Variants in ADAMTS17 observed in about 807,000 individuals in gnomAD.
ADAMTS17 encodes the protein ADAM metallopeptidase with thrombospondin type 1 motif 17.
A neutral mutation model predicts 141.5 loss-of-function variants in ADAMTS17; 113 were observed. That is an observed-to-expected ratio of 0.80 (90% confidence interval 0.69 to 0.93). The LOEUF (loss-of-function observed/expected upper bound fraction) is 0.93. Among genes scored for constraint, ADAMTS17 ranks in the 40% least tolerant of loss-of-function variants. The pLI is 0.00. For missense variants in ADAMTS17, 1,659 were observed against 1,517.9 expected (o/e 1.09, Z -1.54); for synonymous variants, 768 against 630.6 (o/e 1.22, Z -3.27).
chr15:100,279,781 C>T (rs542184986), intron 4 of ADAMTS17, among the ~76,000 whole-genome samples: 114 of 152,338 alleles, frequency 7.5e-4, no homozygotes, highest in African/African-American at 2.7e-3. Context: ...TCTCTCTCCT[C>T]TCCTTTAGCC....
chr15:100,173,551 G>C (rs985374805), intron 8 of ADAMTS17, among the ~76,000 whole-genome samples: 1 of 152,150 alleles, frequency 6.6e-6, no homozygotes, highest in Non-Finnish European at 1.5e-5. Context: ...CTCCAAAAGG[G>C]AAGCAATACC....
chr15:100,000,073 T>C (rs933992065), intron 18 of ADAMTS17, among the ~76,000 whole-genome samples: 1 of 152,174 alleles, frequency 6.6e-6, no homozygotes, highest in Non-Finnish European at 1.5e-5. Context: ...CATAAACTGC[T>C]TACAACAGTG....
chr15:100,003,062 A>C (rs1277091696), intron 18 of ADAMTS17, among the ~76,000 whole-genome samples: 1 of 151,624 alleles, frequency 6.6e-6, no homozygotes, highest in African/African-American at 2.4e-5. Context: ...GGACTGATAA[A>C]CTCTCATGTC....
chr15:100,127,420 C>T (rs747265908), intron 12 of ADAMTS17, among the ~76,000 whole-genome samples: 8 of 152,136 alleles, frequency 5.3e-5, no homozygotes, highest in African/African-American at 1.2e-4. Context: ...CCGGGAGCCA[C>T]GAAACGGATT....
intron 21 of ADAMTS17, among the ~76,000 whole-genome samples, chr15:99,974,785 T>G (rs2060287321): frequency 6.6e-6 from 1 of 152,174 alleles, no homozygotes; most frequent in Non-Finnish European, 1.5e-5. Flanking sequence ...CATGACAGAG[T>G]GTGGTGGTCT....
Position 99,997,401 on chromosome 15 carries a change from G to A in ADAMTS17, c.2780C>T (p.Ala927Val), listed in dbSNP as rs756721876. 8 of 1,613,722 alleles carry A rather than the reference G, an allele frequency of 5.0e-6. No homozygotes were observed. The highest frequency in any genetic ancestry group is 1.7e-5 in the Admixed American group (1 of 60,028). Reference protein sequence around the residue: ...EGQDCLSIWEASEWSQCSASC... With the variant: ...EGQDCLSIWEVSEWSQCSASC... ...GGCACCCACCTGTGACCACTCAGAC[G>A]CCTCCCAGATGGACAGGCAGTCCTG... Residue 927 changes from alanine to valine, a missense_variant, in exon 19 of 22, where the codon GCG becomes GTG. Transcript: ENST00000268070. This position sits in a 1 kb window ranked among gnomAD's most constrained non-coding sequence, Gnocchi z 4.7.
At chr15:100,078,375 G>A (rs1270757764) in intron 15 of ADAMTS17, among the ~76,000 whole-genome samples, 1 of 152,132 alleles carries the variant, frequency 6.6e-6, no homozygotes, top group Non-Finnish European at 1.5e-5. Flanking sequence ...AGACAGCAAG[G>A]TAATGGCATA....
chr15:100,026,530 G>A (rs980919658), intron 18 of ADAMTS17, among the ~76,000 whole-genome samples: 6 of 152,150 alleles, frequency 3.9e-5, no homozygotes, highest in African/African-American at 1.4e-4. Flanking sequence ...ACTGTTGCTT[G>A]TGTAAAAGCA....
chr15:100,199,550 C>A (rs2041243476), intron 7 of ADAMTS17, 127 bp from the exon 8 acceptor site: 2 of 801,194 alleles, frequency 2.5e-6, no homozygotes, highest in East Asian at 2.4e-5. Context: ...GACTATGAGC[C>A]TCAGCCCACC....
intron 8 of ADAMTS17, among the ~76,000 whole-genome samples, chr15:100,183,933 G>C (rs1157322412): frequency 2.0e-5 from 3 of 152,174 alleles, no homozygotes; most frequent in Non-Finnish European, 4.4e-5. Flanking sequence ...GGGGTGAAAG[G>C]CACTTCCCTG....
chr15:100,097,082 G>A (rs1046409547), intron 14 of ADAMTS17, among the ~76,000 whole-genome samples: 1 of 152,248 alleles, frequency 6.6e-6, no homozygotes, highest in Non-Finnish European at 1.5e-5. Flanking sequence ...TCTGAGAGCA[G>A]AGGAGAGGCT....
chr15:100,302,671 A>G (rs925045030), intron 3 of ADAMTS17, among the ~76,000 whole-genome samples: 2 of 152,068 alleles, frequency 1.3e-5, no homozygotes, highest in Non-Finnish European at 1.5e-5. Flanking sequence ...GCAGGTGCTT[A>G]TTGTCTATTT....
At chr15:100,097,158 C>T (rs1481342913) in intron 14 of ADAMTS17, among the ~76,000 whole-genome samples, 4 of 152,208 alleles carry the variant, frequency 2.6e-5, no homozygotes, top group Non-Finnish European at 5.9e-5. Context: ...AGGTTTTGGA[C>T]TCTTTTTTTC....
chr15:100,108,173 C>CT (rs34882001), intron 14 of ADAMTS17, among the ~76,000 whole-genome samples: 17 of 147,138 alleles, frequency 1.2e-4, no homozygotes, highest in Non-Finnish European at 2.4e-4. Context: ...TCTCGCATTC[C>CT]TTTTTTTTTT....
intron 15 of ADAMTS17, among the ~76,000 whole-genome samples, chr15:100,061,972 T>G (rs1222829003): frequency 6.6e-6 from 1 of 152,228 alleles, no homozygotes; most frequent in Non-Finnish European, 1.5e-5. Context: ...GCTGGTGAGG[T>G]TGACCCAATG....
chr15:100,194,888 T>A (rs1183181662), intron 8 of ADAMTS17, among the ~76,000 whole-genome samples: 1 of 152,188 alleles, frequency 6.6e-6, no homozygotes, highest in Admixed American at 6.5e-5. Flanking sequence ...TGTAGCCATC[T>A]TCCCATGTGC....
intron 10 of ADAMTS17, among the ~76,000 whole-genome samples, chr15:100,146,834 G>A (rs1596555152): frequency 1.2e-5 from 1 of 80,350 alleles, no homozygotes; most frequent in Non-Finnish European, 3.0e-5. Flanking sequence ...CTGCAGAGGT[G>A]AAATAGACCC....
At chr15:100,013,454 T>C (rs2061226422) in intron 18 of ADAMTS17, among the ~76,000 whole-genome samples, 1 of 152,188 alleles carries the variant, frequency 6.6e-6, no homozygotes, top group African/African-American at 2.4e-5. Context: ...GGCATCCTTG[T>C]CTTGTTCCAG....
intron 18 of ADAMTS17, among the ~76,000 whole-genome samples, chr15:100,033,798 A>T (rs1172607937): frequency 6.6e-6 from 1 of 151,958 alleles, no homozygotes; most frequent in Non-Finnish European, 1.5e-5. Context: ...GCTACTCCAC[A>T]TTCTTTCTAT....
Sources: allele counts gnomAD v4.1 joint callset (sites outside exome capture counted in the v4.1 genomes callset), GRCh38; gene constraint gnomAD v4.1.1; non-coding constraint Gnocchi (gnomAD v3.1); transcripts MANE v1.5; gene names NCBI Gene and HGNC (gene_info 2026-07-23, HGNC 2026-07-21).